The following NR6A1 variants were observed in gnomAD, a reference collection of about 807,000 sequenced individuals.
NR6A1 encodes the protein nuclear receptor subfamily 6 group A member 1, also known as retinoic acid receptor-related testis-associated receptor.
NR6A1 carries 7 observed loss-of-function variants against 59.1 expected under a neutral mutation model. The observed-to-expected ratio is 0.12, with a 90% CI of 0.07 to 0.22. The LOEUF (loss-of-function observed/expected upper bound fraction) is 0.22, where lower values mean the gene tolerates loss of function less well. NR6A1 is among the 10% of genes least tolerant of loss of function. The pLI is 1.00. For synonymous variants in NR6A1, 243 were observed against 236.1 expected (o/e 1.03, Z -0.27); for missense variants, 468 against 611.6 (o/e 0.77, Z 2.48).
Position 124,558,591 on chromosome 9 carries a change from A to G in NR6A1, c.143-4021T>C, listed in dbSNP as rs370170938. The stretch of plus-strand genomic sequence containing the variant: ...GCTATGCTCTGGCCAAGCACTTAAC[A>G]TACATTACTGTGCTGAATAATCACA... On this transcript the variant is annotated intron_variant, in intron 2 of 9. Coordinates refer to ENST00000487099, the MANE Select transcript of NR6A1 (RefSeq NM_033334.4). 1.3e-3 allele frequency among the ~76,000 whole-genome samples: 191 copies of G among 152,290 alleles called. 2 individuals carry two copies. The highest frequency in any genetic ancestry group is 4.1e-3 in the African/African-American group (171 of 41,558).
chr9:124,715,699 G>A (rs140062605), intron 2 of NR6A1, among the ~76,000 whole-genome samples: 22 of 152,012 alleles, frequency 1.4e-4, no homozygotes, highest in South Asian at 4.2e-4. Context: ...AAATTTATAC[G>A]GAAGTGGGGA....
intron 2 of NR6A1, among the ~76,000 whole-genome samples, chr9:124,614,549 GT>G (rs1835838299): frequency 6.6e-6 from 1 of 152,138 alleles, no homozygotes; most frequent in South Asian, 2.1e-4. Context: ...GTGATGGCAG[GT>G]TTGTGGCATG....
chr9:124,725,736 G>A (rs1301650974), intron 2 of NR6A1, among the ~76,000 whole-genome samples: 2 of 152,208 alleles, frequency 1.3e-5, no homozygotes, highest in Non-Finnish European at 2.9e-5. Context: ...CCAGGAGTTT[G>A]AGACCAGCCT....
chr9:124,654,205 C>T (rs553550044), intron 2 of NR6A1, among the ~76,000 whole-genome samples: 9 of 152,136 alleles, frequency 5.9e-5, no homozygotes, highest in Non-Finnish European at 1.0e-4. Context: ...TTGGGAGGAA[C>T]CCCAGTTAAA....
rs1836166866 is a variant in NR6A1, at chr9:124,624,164, T to G, written c.143-69594A>C. ...GCAACAATTAGTAATTACCAAGACT[T>G]CAAAGGTATGGTGACTCACAGGGGC... On this transcript the variant is annotated intron_variant, in intron 2 of 9. Coordinates refer to ENST00000487099, the MANE Select transcript of NR6A1 (RefSeq NM_033334.4). 2.0e-5 allele frequency among the ~76,000 whole-genome samples: 3 copies of G among 152,194 alleles called. No individual in the cohort carries two copies. The South Asian group carries it at 6.2e-4, about 32-fold the overall frequency.
At chr9:124,576,286 G>C (rs1371959361) in intron 2 of NR6A1, among the ~76,000 whole-genome samples, 1 of 151,764 alleles carries the variant, frequency 6.6e-6, no homozygotes, top group Non-Finnish European at 1.5e-5. Flanking sequence ...GCTTTGTTTT[G>C]TTTTGTTGTT....
rs945440610 is a variant in NR6A1, at chr9:124,538,078, C to T, written c.824+14G>A. ...TGAGACTGCAAGGGGCCAAGAAGGG[C>T]GGAGCTCACTCACCCATCTTCAATC... On this transcript the variant is annotated intron_variant, in intron 6 of 9. Coordinates refer to ENST00000487099, the MANE Select transcript of NR6A1 (RefSeq NM_033334.4). The T allele has an allele frequency of 1.3e-5, 21 of 1,589,058 alleles. No individual in the cohort carries two copies. Among genetic ancestry groups the T allele is most frequent in the East Asian group, 2.2e-5 (1 of 44,812 alleles).
intron 4 of NR6A1, 57 bp from the exon 5 acceptor site, chr9:124,540,244 C>T: frequency 6.5e-7 from 1 of 1,539,960 alleles, no homozygotes; most frequent in Non-Finnish European, 8.8e-7. Flanking sequence ...GCTCTTTCTT[C>T]AGGACTGAGA....
chr9:124,715,882 TCA>T (rs1479148975), intron 2 of NR6A1, among the ~76,000 whole-genome samples: 3 of 152,186 alleles, frequency 2.0e-5, no homozygotes, highest in Non-Finnish European at 2.9e-5. Context: ...ATAAATAGAC[TCA>T]CAATTATTTT....
rs573573198 is a variant in NR6A1 at position 124,551,909 on chromosome 9, A to C, written c.385+2419T>G. Among the ~76,000 whole-genome samples, 107 of 152,216 alleles carry C rather than the reference A, an allele frequency of 7.0e-4. 1 individual carries two copies. The highest frequency in any genetic ancestry group is 1.3e-3 in the Non-Finnish European group (90 of 68,048). On this transcript the variant is annotated intron_variant, in intron 3 of 9. Transcript: ENST00000487099. The stretch of plus-strand genomic sequence containing the variant: ...GCAATTTTAATCCTGCTTTCGCAGC[A>C]CCAACCAGGAGGTGGCAGGGTTTCT...
intron 1 of NR6A1, among the ~76,000 whole-genome samples, chr9:124,765,721 A>T (rs765617688): frequency 1.2e-4 from 19 of 152,174 alleles, no homozygotes; most frequent in Non-Finnish European, 2.6e-4. Flanking sequence ...TACACTAGTA[A>T]AGTCTTATTT....
At position 124,557,179 on chromosome 9, in the gene NR6A1, A is replaced by ATC. The variant is rs1437359152; in HGVS notation, c.143-2610_143-2609insGA. Reference sequence around the variant, plus strand: ...GATCTCACTCTGTAGCCCAGGCTGGAGTGCAGTAGCGCGATCTTGGCTCAC... The same window carrying ATC: ...GATCTCACTCTGTAGCCCAGGCTGGATCGTGCAGTAGCGCGATCTTGGCTCAC... On this transcript the variant is annotated intron_variant, in intron 2 of 9. Transcript: ENST00000487099. Among the ~76,000 whole-genome samples, 4 of 152,230 alleles carry ATC rather than the reference A, an allele frequency of 2.6e-5. No homozygotes were observed. The East Asian group carries it at 5.8e-4, about 22-fold the overall frequency.
chr9:124,769,535 T>A (rs898309635), intron 1 of NR6A1, among the ~76,000 whole-genome samples: 4 of 152,242 alleles, frequency 2.6e-5, no homozygotes, highest in Non-Finnish European at 5.9e-5. Flanking sequence ...CTGTCCTGAT[T>A]GAGAAACCTC....
At chr9:124,604,802 A>C (rs1001495349) in intron 2 of NR6A1, among the ~76,000 whole-genome samples, 1 of 152,092 alleles carries the variant, frequency 6.6e-6, no homozygotes, top group Non-Finnish European at 1.5e-5. Context: ...TGACAGAGCA[A>C]GACCCTGTCT....
At chr9:124,674,380 C>T (rs1050699117) in intron 2 of NR6A1, among the ~76,000 whole-genome samples, 1 of 152,142 alleles carries the variant, frequency 6.6e-6, no homozygotes, top group African/African-American at 2.4e-5. Flanking sequence ...AGCTGGATTT[C>T]CTGAGTTCAA....
At chr9:124,761,010 A>T (rs1840772763) in intron 1 of NR6A1, among the ~76,000 whole-genome samples, 2 of 152,226 alleles carry the variant, frequency 1.3e-5, no homozygotes, top group African/African-American at 4.8e-5. Flanking sequence ...GAAGGATTCC[A>T]AGAATAGAGA....
chr9:124,557,984 C>G (rs919115886), intron 2 of NR6A1, among the ~76,000 whole-genome samples: 1 of 152,160 alleles, frequency 6.6e-6, no homozygotes, highest in African/African-American at 2.4e-5. Flanking sequence ...TCATGTAATC[C>G]TCAAAACCCC....
intron 2 of NR6A1, chr9:124,658,707 G>C (rs1837333574): frequency 6.6e-6 from 1 of 152,034 alleles, no homozygotes; most frequent in Non-Finnish European, 1.5e-5. Context: ...AAAGTCTTAC[G>C]TAACAGTTCA....
intron 2 of NR6A1, among the ~76,000 whole-genome samples, chr9:124,620,231 C>T (rs1836028729): frequency 1.3e-5 from 2 of 151,798 alleles, no homozygotes; most frequent in Non-Finnish European, 2.9e-5. Flanking sequence ...TTATTATTAA[C>T]ATCACTACCT....
Sources: allele counts gnomAD v4.1 joint callset (sites outside exome capture counted in the v4.1 genomes callset), GRCh38; gene constraint gnomAD v4.1.1; transcripts MANE v1.5; gene names NCBI Gene and HGNC (gene_info 2026-07-23, HGNC 2026-07-21).